ERC1: variants seen among roughly 807,000 people sequenced by gnomAD.
ERC1 encodes the protein ELKS/RAB6-interacting/CAST family member 1.
A neutral mutation model predicts 132.0 loss-of-function variants in ERC1; 56 were observed. The observed-to-expected ratio is 0.42, with a 90% confidence interval of 0.34 to 0.53. The LOEUF (loss-of-function observed/expected upper bound fraction) is 0.53. ERC1 is among the 20% of genes least tolerant of loss of function. ERC1 has a pLI of 0.03. For missense variants in ERC1, 1,202 were observed against 1,349.9 expected, an observed-to-expected ratio of 0.89 and a Z score of 1.72; for synonymous variants, 478 against 476.1, an observed-to-expected ratio of 1.00 and a Z score of -0.05.
intron 15 of ERC1, among the ~76,000 whole-genome samples, chr12:1,318,605 C>G (rs957865855): frequency 6.6e-6 from 1 of 152,194 alleles, no homozygotes; most frequent in Non-Finnish European, 1.5e-5. Context: ...TAATCCTCTT[C>G]TGACTTACAA....
intron 18 of ERC1, among the ~76,000 whole-genome samples, chr12:1,472,356 T>TA (rs1445229943): frequency 1.3e-5 from 2 of 152,048 alleles, no homozygotes; most frequent in African/African-American, 2.4e-5. Context: ...GACCTAACAT[T>TA]AAAAAATCTA....
chr12:1,404,130 T>G (rs1383080734), intron 16 of ERC1, among the ~76,000 whole-genome samples: 1 of 152,248 alleles, frequency 6.6e-6, no homozygotes, highest in Non-Finnish European at 1.5e-5. Flanking sequence ...CTCACCATTT[T>G]GGAGACCAGA....
At chr12:1,301,104 C>G (rs904639955) in intron 15 of ERC1, among the ~76,000 whole-genome samples, 1 of 151,720 alleles carries the variant, frequency 6.6e-6, no homozygotes, top group Admixed American at 6.6e-5. Context: ...AAACCAAAAG[C>G]CTTATGTTCT....
chr12:1,461,259 T>C lies in ERC1; in HGVS notation c.3213+16509T>C, dbSNP rs144996387. On this transcript the variant is annotated intron_variant, in intron 18 of 18. Coordinates refer to ENST00000360905, the MANE Select transcript of ERC1 (RefSeq NM_178040.4). Reference sequence around the variant, plus strand: ...TAGCCATATGGATTATATATGAATATGAGACATGTATAACCTGTATGTTGA... The same window carrying C: ...TAGCCATATGGATTATATATGAATACGAGACATGTATAACCTGTATGTTGA... 3.9e-3 allele frequency among the ~76,000 whole-genome samples: 595 copies of C among 152,308 alleles called. 3 individuals carry two copies. Among genetic ancestry groups the C allele is most frequent in the African/African-American group, 0.013 (557 of 41,570 alleles).
intron 11 of ERC1, among the ~76,000 whole-genome samples, chr12:1,188,207 G>A (rs542195952): frequency 9.2e-5 from 14 of 151,834 alleles, no homozygotes; most frequent in East Asian, 3.9e-4. Context: ...TTCTTTCTTC[G>A]TAGATACTAA....
chr12:1,440,408 G>A (rs141772662), intron 17 of ERC1, among the ~76,000 whole-genome samples: 4,275 of 149,336 alleles, frequency 0.029, 81 homozygotes, highest in East Asian at 0.047. Flanking sequence ...GGGTTTCACC[G>A]TGTTAGCCAG....
At chr12:1,442,373 C>G (rs2093180487) in intron 17 of ERC1, among the ~76,000 whole-genome samples, 2 of 152,308 alleles carry the variant, frequency 1.3e-5, no homozygotes, top group South Asian at 4.1e-4. Context: ...TGTTGACATG[C>G]CTGTCATAGG....
intron 17 of ERC1, among the ~76,000 whole-genome samples, chr12:1,427,577 C>T (rs140134113): frequency 5.9e-5 from 9 of 152,066 alleles, no homozygotes; most frequent in African/African-American, 2.2e-4. Context: ...CTTTTGCTTC[C>T]CCTACAGGGC....
At chr12:1,433,292 C>T (rs969152899) in intron 17 of ERC1, among the ~76,000 whole-genome samples, 1 of 152,192 alleles carries the variant, frequency 6.6e-6, no homozygotes, top group East Asian at 1.9e-4. Flanking sequence ...GTTGTAATTG[C>T]TCCAAGAGAT....
At chr12:1,388,022 G>A (rs1275129906) in intron 16 of ERC1, among the ~76,000 whole-genome samples, 2 of 152,146 alleles carry the variant, frequency 1.3e-5, no homozygotes, top group African/African-American at 4.8e-5. Flanking sequence ...GGGCAGAAGA[G>A]GTCAAATAAT....
chr12:1,451,604 T>C (rs57172674), intron 18 of ERC1, among the ~76,000 whole-genome samples: 12,837 of 152,170 alleles, frequency 0.084, 1,818 homozygotes, highest in African/African-American at 0.29. Flanking sequence ...CAACCTGGGC[T>C]GCAGAATGAG....
At chr12:1,489,064 C>T (rs535999085) in intron 18 of ERC1, among the ~76,000 whole-genome samples, 28 of 152,320 alleles carry the variant, frequency 1.8e-4, no homozygotes, top group Admixed American at 1.5e-3. Context: ...CACGCTGGAA[C>T]GTCCTCACTT....
chr12:1,194,420 C>G (rs190660885), intron 12 of ERC1, among the ~76,000 whole-genome samples: 15 of 151,978 alleles, frequency 9.9e-5, no homozygotes, highest in African/African-American at 3.6e-4. Context: ...GACTCTGTCT[C>G]AAAAAATGAA....
chr12:1,107,455 A>G (rs1196052249), intron 4 of ERC1, among the ~76,000 whole-genome samples: 3 of 152,140 alleles, frequency 2.0e-5, no homozygotes, highest in African/African-American at 7.2e-5. Flanking sequence ...GGAAAGTGGA[A>G]TTCTCTGTGA....
intron 1 of ERC1, among the ~76,000 whole-genome samples, chr12:997,352 A>G (rs748441553): frequency 3.3e-5 from 5 of 152,236 alleles, no homozygotes; most frequent in East Asian, 1.9e-4. Flanking sequence ...GTACGAACAT[A>G]TGTGTCCTAG....
At chr12:1,211,892 T>C (rs573825587) in intron 12 of ERC1, among the ~76,000 whole-genome samples, 2 of 152,246 alleles carry the variant, frequency 1.3e-5, no homozygotes, top group South Asian at 2.1e-4. Flanking sequence ...ATACAATGTG[T>C]TGTGAGAGGA....
intron 5 of ERC1, among the ~76,000 whole-genome samples, chr12:1,110,829 A>G (rs1945772726): frequency 6.6e-6 from 1 of 152,016 alleles, no homozygotes; most frequent in African/African-American, 2.4e-5. Context: ...CAGCCTCCCA[A>G]GTAGCTGGGA....
intron 8 of ERC1, among the ~76,000 whole-genome samples, chr12:1,153,906 G>A (rs538638403): frequency 2.6e-5 from 4 of 151,894 alleles, no homozygotes; most frequent in Admixed American, 6.6e-5. Context: ...AACTTTATTC[G>A]TTTGGAGTAG....
At chr12:1,459,359 T>TA (rs2093602654) in intron 18 of ERC1, among the ~76,000 whole-genome samples, 1 of 152,194 alleles carries the variant, frequency 6.6e-6, no homozygotes, top group Admixed American at 6.5e-5. Flanking sequence ...TTAGACTTTT[T>TA]ATGAGGACCC....
Sources: gnomAD v4.1 joint callset for allele counts (sites outside exome capture counted in the v4.1 genomes callset) on GRCh38, gnomAD v4.1.1 for gene constraint, MANE v1.5 for transcripts, NCBI Gene and HGNC (gene_info 2026-07-23, HGNC 2026-07-21) for gene names.